The following TRMT6 variants were observed in gnomAD, a reference collection of about 807,000 sequenced individuals.
TRMT6 encodes the protein tRNA (adenine(58)-N(1))-methyltransferase non-catalytic subunit TRM6.
In TRMT6, 34 loss-of-function variants were observed where a neutral mutation model predicts 59.0. That is an observed-to-expected ratio of 0.58 (90% CI 0.44 to 0.77). The LOEUF (loss-of-function observed/expected upper bound fraction) is 0.77. Among genes scored for constraint, TRMT6 ranks in the 30% least tolerant of loss-of-function variants. TRMT6 has a pLI of 0.00. For synonymous variants in TRMT6, 217 were observed against 210.5 expected, an observed-to-expected ratio of 1.03 and a Z score of -0.27; for missense variants, 575 against 604.5, an observed-to-expected ratio of 0.95 and a Z score of 0.51.
chr20:5,946,456 G>A lies in TRMT6; in HGVS notation c.206C>T (p.Thr69Ile). ...GHSYGTAFEV[T>I]SGGSLQPKKK... is the part of the protein sequence containing the mutation. Reference sequence around the variant, plus strand: ...CTTGGGCTGTAGACTTCCTCCACTGGTCACTTCAAATGCAGTTCCATAACT... The same window carrying A: ...CTTGGGCTGTAGACTTCCTCCACTGATCACTTCAAATGCAGTTCCATAACT... Residue 69 changes from threonine (T) to isoleucine (I), a missense_variant, in exon 2 of 11, where the codon ACC becomes ATC. Physicochemically the swap from Thr to Ile is moderately conservative, Grantham distance 89 (BLOSUM62 -1). Coordinates refer to ENST00000203001, the MANE Select transcript of TRMT6 (RefSeq NM_015939.5). The A allele has an allele frequency of 6.2e-7, 1 of 1,614,054 alleles. No homozygotes were observed. The highest frequency in any genetic ancestry group is 8.5e-7 in the Non-Finnish European group (1 of 1,180,010).
chr20:5,942,495 G>C lies in TRMT6; in HGVS notation c.959C>G (p.Thr320Arg). 6.2e-7 allele frequency: 1 copy of C among 1,613,902 alleles called. No individual in the cohort carries two copies. Residue 320 changes from threonine (T) to arginine (R), a missense_variant, in exon 7 of 11, where the codon ACA becomes AGA. By Grantham distance (71) the Thr-to-Arg change is moderately conservative. Coordinates refer to ENST00000203001, the MANE Select transcript of TRMT6 (RefSeq NM_015939.5). ...TGGATCTTGAGAAATTGTTTCCATT[G>C]TTTCCTGGTCTTCTGGGTGGTTGCT... ...PESNHPEDQE[T>R]METISQDPEH...
intron 1 of TRMT6, among the ~76,000 whole-genome samples, chr20:5,947,091 C>G (rs1397234560): frequency 1.3e-5 from 2 of 152,176 alleles, no homozygotes; most frequent in African/African-American, 2.4e-5. Context: ...TGATTTAATT[C>G]TCACGGTAAT....
chr20:5,942,455 A>C lies in TRMT6; in HGVS notation c.999T>G (p.Pro333=). The C allele has an allele frequency of 6.2e-7, 1 of 1,613,330 alleles. No individual in the cohort carries two copies. Among genetic ancestry groups the C allele is most frequent in the Non-Finnish European group, 8.5e-7 (1 of 1,179,898 alleles). ...TISQDPEHKG[P]KERGSKKDYI... is the part of the protein sequence containing the mutation. ...AATCTTTTTTGCTTCCTCTCTCTTT[A>C]GGCCCCTTATGTTCTGGATCTTGAG... The change falls in exon 7 of 11, where the codon CCT becomes CCG. Residue 333 remains proline (P), a synonymous_variant. Transcript: ENST00000203001.
chr20:5,940,675 G>A (rs1292125854), intron 10 of TRMT6, among the ~76,000 whole-genome samples: 1 of 152,196 alleles, frequency 6.6e-6, no homozygotes, highest in Non-Finnish European at 1.5e-5. Context: ...CTGGAGTGCA[G>A]TGGTGGGATC....
At chr20:5,945,013 A>C (rs2088693270) in intron 2 of TRMT6, 99 bp from the exon 3 acceptor site, 2 of 912,848 alleles carry the variant, frequency 2.2e-6, no homozygotes, top group East Asian at 2.5e-5. Context: ...CAGCCACTCA[A>C]GTCTGGCCTC....
rs778061832 is a variant in TRMT6 at position 5,941,080 on chromosome 20, C to G, written c.1275G>C (p.Leu425=). 3.1e-6 allele frequency: 5 copies of G among 1,614,180 alleles called. No homozygotes were observed. In the South Asian group the frequency reaches 5.5e-5, roughly 18 times the overall value. Residue 425 remains leucine (L), a synonymous_variant, in exon 10 of 11, where the codon CTG becomes CTC. Coordinates refer to ENST00000203001, the MANE Select transcript of TRMT6 (RefSeq NM_015939.5). ...RERGGVINLR[L]SETWLRNYQV... ...GATAATTTCTGAGCCAGGTTTCAGACAGCCTGAGGTTGATGACCCCTCCCC... is the reference window on the plus strand; with the variant it reads ...GATAATTTCTGAGCCAGGTTTCAGAGAGCCTGAGGTTGATGACCCCTCCCC...
intron 1 of TRMT6, among the ~76,000 whole-genome samples, chr20:5,949,771 AG>A (rs1487186387): frequency 1.3e-5 from 2 of 152,094 alleles, no homozygotes; most frequent in East Asian, 3.9e-4. Flanking sequence ...CTGGGGGATT[AG>A]GGAAGAAGGA....
chr20:5,946,838 A>C (rs1326774293), intron 1 of TRMT6, among the ~76,000 whole-genome samples: 2 of 152,244 alleles, frequency 1.3e-5, no homozygotes, highest in African/African-American at 4.8e-5. Flanking sequence ...ATCTAATAAA[A>C]GCAAATTATA....
chr20:5,947,153 T>C (rs1450364526), intron 1 of TRMT6, among the ~76,000 whole-genome samples: 1 of 152,158 alleles, frequency 6.6e-6, no homozygotes, highest in African/African-American at 2.4e-5. Context: ...GGGAGAAGTA[T>C]CTTGTCCAAG....
intron 10 of TRMT6, 45 bp downstream of exon 10, chr20:5,941,008 A>C: frequency 6.9e-7 from 1 of 1,451,484 alleles, no homozygotes; most frequent in Non-Finnish European, 9.7e-7. Context: ...AGGAAAGTCA[A>C]GTCTCGGGAG....
At chr20:5,939,220 C>T (rs546876294) in intron 10 of TRMT6, among the ~76,000 whole-genome samples, 194 of 152,282 alleles carry the variant, frequency 1.3e-3, no homozygotes, top group African/African-American at 4.4e-3. Flanking sequence ...TGGTGGCTCA[C>T]GCCTGTAATC....
At chr20:5,946,274 T>G (rs1228641669) in intron 2 of TRMT6, 132 bp downstream of exon 2, 1 of 1,109,166 alleles carries the variant, frequency 9.0e-7, no homozygotes, top group Non-Finnish European at 1.3e-6. Flanking sequence ...TCCACTGAGC[T>G]GCAGTTCTTA....
rs147963963 is a variant in TRMT6 at position 5,941,291 on chromosome 20, G to A, written c.1167C>T (p.Asp389=). 274 of 1,614,068 alleles carry A rather than the reference G, an allele frequency of 1.7e-4. No homozygotes were observed. Among genetic ancestry groups the A allele is most frequent in the Admixed American group, 5.8e-4 (35 of 60,004 alleles). Residue 389 remains aspartate (D), a synonymous_variant, in exon 9 of 11, where the codon GAC becomes GAT. Transcript: ENST00000203001. ...HPTPLLLSLL[D]FVAPSRPFVV... ...CAAACGGCCTTGAAGGGGCCACAAA[G>A]TCCAGCAAAGACAGCAGCAGGGGAG...
chr20:5,942,321 T>C (rs752246537), intron 7 of TRMT6, 107 bp downstream of exon 7: 4 of 987,952 alleles, frequency 4.0e-6, no homozygotes, highest in South Asian at 1.3e-5. Flanking sequence ...TTGATAGTTA[T>C]CATCTTGGGA....
rs1479888315 is a variant in TRMT6, at chr20:5,946,446, T to G, written c.216A>C (p.Gly72=). 6.2e-7 allele frequency: 1 copy of G among 1,614,032 alleles called. No homozygotes were observed. The highest frequency in any genetic ancestry group is 1.7e-5 in the Admixed American group (1 of 59,992). The change falls in exon 2 of 11, where the codon GGA becomes GGC. Residue 72 remains glycine, a synonymous_variant. Transcript: ENST00000203001. ...YGTAFEVTSG[G]SLQPKKKREE... ...CCCTCTTCTTCTTGGGCTGTAGACTTCCTCCACTGGTCACTTCAAATGCAG... is the reference window on the plus strand; with the variant it reads ...CCCTCTTCTTCTTGGGCTGTAGACTGCCTCCACTGGTCACTTCAAATGCAG...
intron 1 of TRMT6, 147 bp from the exon 2 acceptor site, chr20:5,946,680 G>A: frequency 1.4e-6 from 1 of 737,556 alleles, no homozygotes; most frequent in Non-Finnish European, 2.2e-6. Context: ...AGGAACTAGA[G>A]AGAACCTGGT....
At chr20:5,945,761 A>C (rs978351981) in intron 2 of TRMT6, among the ~76,000 whole-genome samples, 6 of 152,188 alleles carry the variant, frequency 3.9e-5, no homozygotes, top group Non-Finnish European at 8.8e-5. Context: ...AGATACTCTC[A>C]ATGTTCATTT....
chr20:5,942,414 C>T lies in TRMT6; in HGVS notation c.1026+14G>A. ...TGAGATTATGGGGGTGGTGGGGACT[C>T]TTGGCATCCTTACATAATCTTTTTT... On this transcript the variant is annotated intron_variant, in intron 7 of 10. Coordinates refer to ENST00000203001, the MANE Select transcript of TRMT6 (RefSeq NM_015939.5). 1 of 1,608,422 alleles carries T rather than the reference C, an allele frequency of 6.2e-7. No individual in the cohort carries two copies. Among genetic ancestry groups the T allele is most frequent in the Non-Finnish European group, 8.5e-7 (1 of 1,175,110 alleles).
At chr20:5,940,793 T>C (rs191972569) in intron 10 of TRMT6, among the ~76,000 whole-genome samples, 89 of 151,710 alleles carry the variant, frequency 5.9e-4, no homozygotes, top group African/African-American at 2.1e-3. Context: ...GATTTTTATA[T>C]TTTTTGTAGA....
Sources: allele counts gnomAD v4.1 joint callset (sites outside exome capture counted in the v4.1 genomes callset), GRCh38; gene constraint gnomAD v4.1.1; transcripts MANE v1.5; gene names NCBI Gene and HGNC (gene_info 2026-07-23, HGNC 2026-07-21).